The following MYH14 variants were observed in gnomAD, a reference collection of about 807,000 sequenced individuals.
MYH14 encodes myosin-14.
A neutral mutation model predicts 255.5 loss-of-function variants in MYH14; 123 were observed. The ratio of observed to expected loss-of-function variants is 0.48; its 90% CI spans 0.42 to 0.56. The LOEUF (loss-of-function observed/expected upper bound fraction) is 0.56. MYH14 is among the 20% of genes least tolerant of loss of function. The pLI, the probability that MYH14 is intolerant of heterozygous loss-of-function variation, is 0.00. For synonymous variants in MYH14, 1,095 were observed against 1,161.2 expected (o/e 0.94, Z 1.16); for missense variants, 2,423 against 2,802.3 (o/e 0.86, Z 3.06).
chr19:50,284,909 C>A (rs1275982563), intron 33 of MYH14: 1 of 128,526 alleles, frequency 7.8e-6, no homozygotes, highest in Non-Finnish European at 1.6e-5. Flanking sequence ...TCTTTTTCTT[C>A]TTCTTCTTCT....
chr19:50,307,435 A>G (rs2036690695), intron 41 of MYH14, among the ~76,000 whole-genome samples: 1 of 152,204 alleles, frequency 6.6e-6, no homozygotes, highest in Admixed American at 6.5e-5. Flanking sequence ...CAGAAGCTAG[A>G]CCAGGACTAG....
intron 10 of MYH14, among the ~76,000 whole-genome samples, chr19:50,234,798 G>A (rs2033582345): frequency 6.6e-6 from 1 of 152,086 alleles, no homozygotes; most frequent in Non-Finnish European, 1.5e-5. Context: ...CTGATTTTTG[G>A]AATTCAGAAA....
At chr19:50,253,444 A>G (rs1433396237) in intron 16 of MYH14, among the ~76,000 whole-genome samples, 1 of 101,868 alleles carries the variant, frequency 9.8e-6, no homozygotes, top group Admixed American at 8.9e-5. Flanking sequence ...CTCTGTCCCA[A>G]AAAAAAAAAA....
Position 50,271,937 on chromosome 19 carries a change from G to C in MYH14, c.3260G>C (p.Arg1087Pro). Residue 1087 changes from arginine (R) to proline (P), a missense_variant, in exon 26 of 43, where the codon CGG (arginine) becomes CCG (proline). Around this residue, in one of 3 missense-constraint regions of MYH14, gnomAD observed 1,513 missense variants for 1,674.8 expected, o/e 0.90. Transcript: ENST00000642316. ...AAGGTCAAGAGCCTCAATAAGCTAC[G>C]GCTCAAATATGAGGCCACAATCGCA... The part of the protein sequence containing the change: ...EEKVKSLNKL[R>P]LKYEATIADM... The C allele has an allele frequency of 6.2e-7, 1 of 1,611,648 alleles. No individual in the cohort carries two copies. Among genetic ancestry groups the C allele is most frequent in the Non-Finnish European group, 8.5e-7 (1 of 1,179,058 alleles).
At chr19:50,229,662 AAAAC>A (rs1016284714) in intron 8 of MYH14, among the ~76,000 whole-genome samples, 3 of 152,202 alleles carry the variant, frequency 2.0e-5, no homozygotes, top group African/African-American at 4.8e-5. Context: ...AAAACAAAAC[AAAAC>A]AAACAAAAGT....
chr19:50,218,332 C>T (rs1350884855), intron 3 of MYH14, among the ~76,000 whole-genome samples: 1 of 152,048 alleles, frequency 6.6e-6, no homozygotes, highest in Non-Finnish European at 1.5e-5. Context: ...CGCGGTGGCT[C>T]ACGCCTGTAA....
intron 10 of MYH14, 47 bp from the exon 11 acceptor site, chr19:50,244,195 A>G (rs778602491): frequency 6.5e-7 from 1 of 1,544,296 alleles, no homozygotes; most frequent in Admixed American, 1.7e-5. Flanking sequence ...TTAAGACCAC[A>G]CATCGGGGTC....
Position 50,266,753 on chromosome 19 carries a change from AG to A in MYH14, c.2695-122del. The A allele has an allele frequency of 7.7e-7, 1 of 1,299,380 alleles. No individual in the cohort carries two copies. 80.5% of individuals were successfully genotyped at this position (1,299,380 alleles called of 1,614,324 possible). On this transcript the variant is annotated intron_variant, in intron 22 of 42. Transcript: ENST00000642316. This position sits in a 1 kb window ranked among gnomAD's most constrained non-coding sequence, Gnocchi z 4.1. Reference sequence around the variant, plus strand: ...GGCCTGTGACCAGGGACTGTTGCCAAGGCGGGGACACACAGCTAATAGGTGG... The same window carrying A: ...GGCCTGTGACCAGGGACTGTTGCCAAGCGGGGACACACAGCTAATAGGTGG...
intron 5 of MYH14, 107 bp from the exon 6 acceptor site, chr19:50,224,039 TCCCCCTTC>T: frequency 2.4e-6 from 1 of 415,102 alleles, no homozygotes; most frequent in Non-Finnish European, 4.3e-6. Flanking sequence ...GTTTCCCCAG[TCCCCCTTC>T]CCCCACCCCC....
chr19:50,238,954 C>T (rs959662408), intron 10 of MYH14, among the ~76,000 whole-genome samples: 1 of 152,150 alleles, frequency 6.6e-6, no homozygotes, highest in African/African-American at 2.4e-5. Flanking sequence ...TCGAGTTCAG[C>T]ACAGCACTGT....
chr19:50,256,955 G>A (rs139920996), intron 17 of MYH14, among the ~76,000 whole-genome samples: 1 of 152,334 alleles, frequency 6.6e-6, no homozygotes, highest in East Asian at 1.9e-4. Context: ...TGCTAGGTAA[G>A]CATTTGCTGT....
chr19:50,224,491 T>C (rs1485001209), intron 6 of MYH14, among the ~76,000 whole-genome samples: 2 of 152,250 alleles, frequency 1.3e-5, no homozygotes, highest in Non-Finnish European at 2.9e-5. Flanking sequence ...AATACACGCA[T>C]GTCCCATGTT....
At chr19:50,210,195 G>A (rs575455508) in intron 1 of MYH14, among the ~76,000 whole-genome samples, 168 bp from the exon 2 acceptor site, 1 of 149,892 alleles carries the variant, frequency 6.7e-6, no homozygotes, top group East Asian at 2.0e-4. Context: ...CTAGAGAGGT[G>A]AATGAATGAA....
chr19:50,275,433 T>A (rs989573341), intron 27 of MYH14, among the ~76,000 whole-genome samples: 2 of 152,172 alleles, frequency 1.3e-5, no homozygotes, highest in African/African-American at 4.8e-5. Flanking sequence ...TTAAATGAGG[T>A]GATACAAGTA....
chr19:50,308,986 TC>T lies in MYH14; in HGVS notation c.5788-14del. On this transcript the variant is annotated intron_variant, in intron 41 of 42. Transcript: ENST00000642316. ...GACAGTACCTGGAGATATAACCCAG[TC>T]CCCCTGCTTCCATCAAGCTGGAGAA... 6.3e-7 allele frequency: 1 copy of T among 1,596,050 alleles called. No individual in the cohort carries two copies.
intron 7 of MYH14, 32 bp from the exon 8 acceptor site, chr19:50,226,870 CT>C: frequency 6.2e-7 from 1 of 1,611,594 alleles, no homozygotes; most frequent in Non-Finnish European, 8.5e-7. Flanking sequence ...AGGGGACCCT[CT>C]GCTGAAGCCC....
At chr19:50,299,570 CAAAAAA>C (rs4002409) in intron 39 of MYH14, among the ~76,000 whole-genome samples, 11 of 57,624 alleles carry the variant, frequency 1.9e-4, no homozygotes, top group Admixed American at 8.0e-4. Flanking sequence ...GACTCCATCT[CAAAAAA>C]AAAAAAAAAA....
chr19:50,253,828 A>G (rs2034491146), intron 16 of MYH14, among the ~76,000 whole-genome samples: 1 of 152,196 alleles, frequency 6.6e-6, no homozygotes, highest in South Asian at 2.1e-4. Flanking sequence ...TGTTTTTTCC[A>G]GGTTCCAAGT....
chr19:50,218,138 A>G (rs1392317440), intron 3 of MYH14, among the ~76,000 whole-genome samples: 1 of 151,862 alleles, frequency 6.6e-6, no homozygotes, highest in Non-Finnish European at 1.5e-5. Context: ...CTGGGACTAC[A>G]GGCGTGCACC....
Sources: gnomAD v4.1 joint callset for allele counts (sites outside exome capture counted in the v4.1 genomes callset) on GRCh38, gnomAD v4.1.1 for gene constraint, gnomAD v4.1.1 regional missense constraint, Gnocchi (gnomAD v3.1) non-coding constraint, MANE v1.5 for transcripts, NCBI Gene and HGNC (gene_info 2026-07-23, HGNC 2026-07-21) for gene names.